CDH18: variants seen among roughly 807,000 people sequenced by gnomAD.
The protein encoded by CDH18 is cadherin-18.
Under a neutral mutation model 67.9 loss-of-function variants are expected in CDH18, and 31 were observed. The observed-to-expected ratio is 0.46, with a 90% CI of 0.34 to 0.62. The LOEUF is 0.62. CDH18 is among the 20% of genes least tolerant of loss of function. The pLI is 0.01. For missense variants in CDH18, 890 were observed against 975.5 expected, an observed-to-expected ratio of 0.91 and a Z score of 1.17; for synonymous variants, 362 against 347.2, an observed-to-expected ratio of 1.04 and a Z score of -0.48.
chr5:19,531,367 T>C (rs563311689), intron 9 of CDH18, among the ~76,000 whole-genome samples: 49 of 152,242 alleles, frequency 3.2e-4, no homozygotes, highest in African/African-American at 1.1e-3. Context: ...TTCAACATCA[T>C]TTCTCTGTGG....
chr5:19,795,594 T>C (rs1298241354), intron 3 of CDH18, among the ~76,000 whole-genome samples: 1 of 152,124 alleles, frequency 6.6e-6, no homozygotes, highest in East Asian at 1.9e-4. Flanking sequence ...AACCTAAACT[T>C]GGTGAGTGAC....
intron 1 of CDH18, among the ~76,000 whole-genome samples, chr5:20,464,161 G>A (rs192268215): frequency 6.6e-6 from 1 of 152,222 alleles, no homozygotes; most frequent in East Asian, 1.9e-4. Context: ...AGCAACAACA[G>A]TATCTAACAG....
chr5:19,656,845 A>T (rs1331084160), intron 5 of CDH18, among the ~76,000 whole-genome samples: 1 of 151,572 alleles, frequency 6.6e-6, no homozygotes, highest in Admixed American at 6.6e-5. Flanking sequence ...TGAAATGCCA[A>T]TTTACTCTCT....
chr5:20,394,831 A>C (rs570686454), intron 1 of CDH18, among the ~76,000 whole-genome samples: 2 of 152,150 alleles, frequency 1.3e-5, no homozygotes, highest in African/African-American at 2.4e-5. Flanking sequence ...CATATGAAAA[A>C]ATGCTCAACA....
At chr5:20,144,024 T>C (rs932576485) in intron 2 of CDH18, among the ~76,000 whole-genome samples, 6 of 152,180 alleles carry the variant, frequency 3.9e-5, no homozygotes, top group Non-Finnish European at 1.5e-5. Flanking sequence ...ACAAGATTTC[T>C]GAAAATTCTG....
intron 5 of CDH18, among the ~76,000 whole-genome samples, chr5:19,653,507 G>A (rs1267757357): frequency 6.6e-6 from 1 of 152,054 alleles, no homozygotes; most frequent in Non-Finnish European, 1.5e-5. Context: ...CTAGTGACCT[G>A]TGACTGCATT....
chr5:19,748,824 A>G (rs894726839), intron 3 of CDH18, among the ~76,000 whole-genome samples: 8 of 152,160 alleles, frequency 5.3e-5, no homozygotes, highest in Non-Finnish European at 1.0e-4. Context: ...AACATAAATG[A>G]TAGTATGGGA....
intron 1 of CDH18, among the ~76,000 whole-genome samples, chr5:20,379,788 A>G (rs1743764726): frequency 6.8e-6 from 1 of 146,720 alleles, no homozygotes; most frequent in Non-Finnish European, 1.5e-5. Flanking sequence ...ATTAAAGACA[A>G]ATATGAAAAA....
At chr5:20,440,343 C>T (rs1438238625) in intron 1 of CDH18, among the ~76,000 whole-genome samples, 1 of 151,652 alleles carries the variant, frequency 6.6e-6, no homozygotes, top group Admixed American at 6.6e-5. Context: ...AGACAGAGAC[C>T]GTAACTATAG....
chr5:19,712,478 T>C (rs1301527123), intron 5 of CDH18, among the ~76,000 whole-genome samples: 3 of 151,994 alleles, frequency 2.0e-5, no homozygotes, highest in South Asian at 4.2e-4. Flanking sequence ...TGTAAAAATG[T>C]TACTCAAAGA....
intron 2 of CDH18, among the ~76,000 whole-genome samples, chr5:20,243,506 A>T (rs531236309): frequency 6.6e-6 from 1 of 152,254 alleles, no homozygotes; most frequent in Non-Finnish European, 1.5e-5. Context: ...ATTTTTTCAC[A>T]TGATGAACAG....
At position 20,069,693 on chromosome 5, in the gene CDH18, G is replaced by A. The variant is rs535634637; in HGVS notation, c.-517-77679C>T. ...CCAAAAGTGCTGGGATTACAGACGT[G>A]AGCCACTGCGCCCAGCCATTTTTAG... On this transcript the variant is annotated intron_variant, in intron 2 of 14. Transcript: ENST00000507958. Among the ~76,000 whole-genome samples the A allele has an allele frequency of 3.4e-4, 51 of 152,232 alleles. 2 individuals carry two copies. The South Asian group carries it at 0.01, about 31-fold the overall frequency.
intron 2 of CDH18, among the ~76,000 whole-genome samples, chr5:20,251,950 GA>G (rs778055321): frequency 9.2e-5 from 14 of 151,998 alleles, no homozygotes; most frequent in Non-Finnish European, 1.9e-4. Context: ...AAACTATATA[GA>G]ATATGCGTGA....
chr5:20,390,129 C>T (rs1225868226), intron 1 of CDH18, among the ~76,000 whole-genome samples: 9 of 152,142 alleles, frequency 5.9e-5, no homozygotes, highest in South Asian at 2.1e-4. Flanking sequence ...AAAGCCAAAA[C>T]TGACAAATGG....
intron 2 of CDH18, among the ~76,000 whole-genome samples, chr5:19,973,594 G>A (rs1468637709): frequency 6.6e-6 from 1 of 152,130 alleles, no homozygotes; most frequent in Non-Finnish European, 1.5e-5. Flanking sequence ...CATGGAAAAA[G>A]TTGGCTAGTG....
chr5:20,533,841 A>G (rs953804277), intron 1 of CDH18, among the ~76,000 whole-genome samples: 1 of 152,062 alleles, frequency 6.6e-6, no homozygotes, highest in African/African-American at 2.4e-5. Flanking sequence ...TTTTTATAGC[A>G]GTATATTTGT....
At chr5:19,694,647 CTCTGTGTG>C (rs1762310007) in intron 5 of CDH18, among the ~76,000 whole-genome samples, 1 of 33,550 alleles carries the variant, frequency 3.0e-5, no homozygotes, top group South Asian at 2.0e-3. Flanking sequence ...CAGAATTAAA[CTCTGTGTG>C]TGTGTGTGTG....
intron 3 of CDH18, among the ~76,000 whole-genome samples, chr5:19,762,861 A>G (rs1312610209): frequency 3.9e-5 from 6 of 152,204 alleles, no homozygotes; most frequent in African/African-American, 4.8e-5. Flanking sequence ...ATGTCCATCA[A>G]TGATAGACTG....
chr5:19,789,400 A>G (rs1776135861), intron 3 of CDH18, among the ~76,000 whole-genome samples: 1 of 152,224 alleles, frequency 6.6e-6, no homozygotes. Context: ...ATGTTAGACT[A>G]GAAGTGACTG....
Sources: gnomAD v4.1 joint callset for allele counts (sites outside exome capture counted in the v4.1 genomes callset) on GRCh38, gnomAD v4.1.1 for gene constraint, MANE v1.5 for transcripts, NCBI Gene and HGNC (gene_info 2026-07-23, HGNC 2026-07-21) for gene names.